Variants in ITGA6 observed in about 807,000 individuals in gnomAD.
ITGA6 encodes the protein integrin alpha-6.
Under a neutral mutation model 133.6 loss-of-function variants are expected in ITGA6, and 63 were observed. That is an observed-to-expected ratio of 0.47 (90% CI 0.38 to 0.58). The LOEUF (loss-of-function observed/expected upper bound fraction) is 0.58, where lower values mean the gene tolerates loss of function less well. Ranked by LOEUF, ITGA6 falls within the 20% of genes least tolerant of loss-of-function variation. The pLI is 0.00. For synonymous variants in ITGA6, 434 were observed against 482.0 expected (o/e 0.90, Z 1.30); for missense variants, 1,068 against 1,309.4 (o/e 0.82, Z 2.85).
At chr2:172,435,396 GCCT>G (rs1331527181) in intron 1 of ITGA6, among the ~76,000 whole-genome samples, 3 of 152,146 alleles carry the variant, frequency 2.0e-5, no homozygotes, top group Non-Finnish European at 2.9e-5. Context: ...GCGGGTGATG[GCCT>G]CTTACTGGCA....
intron 11 of ITGA6, among the ~76,000 whole-genome samples, chr2:172,480,445 G>A (rs932062946): frequency 2.6e-5 from 4 of 151,740 alleles, no homozygotes; most frequent in Admixed American, 6.6e-5. Context: ...AAAGGGCAAC[G>A]GCAGGAGCCA....
chr2:172,466,773 G>A (rs1355078975), intron 2 of ITGA6, among the ~76,000 whole-genome samples: 2 of 149,122 alleles, frequency 1.3e-5, no homozygotes, highest in African/African-American at 4.9e-5. Context: ...TTTTCCTTCT[G>A]TCTAAAGTTG....
intron 23 of ITGA6, among the ~76,000 whole-genome samples, chr2:172,493,437 TAGAC>T (rs1395861254): frequency 2.0e-5 from 3 of 152,156 alleles, no homozygotes; most frequent in Non-Finnish European, 4.4e-5. Flanking sequence ...ATTTCAGAGC[TAGAC>T]AGAGAACACT....
chr2:172,446,568 CA>C (rs1273540489), intron 1 of ITGA6, among the ~76,000 whole-genome samples: 1 of 152,200 alleles, frequency 6.6e-6, no homozygotes, highest in Non-Finnish European at 1.5e-5. Context: ...ATGGTGAGCT[CA>C]CAATCCAAGT....
intron 1 of ITGA6, among the ~76,000 whole-genome samples, chr2:172,454,109 G>A (rs1404263056): frequency 6.8e-6 from 1 of 146,138 alleles, no homozygotes; most frequent in African/African-American, 2.6e-5. Context: ...TTTTTGAGAT[G>A]GAGTCTCACT....
At chr2:172,469,899 A>G (rs1303208563) in intron 4 of ITGA6, among the ~76,000 whole-genome samples, 1 of 152,208 alleles carries the variant, frequency 6.6e-6, no homozygotes, top group Middle Eastern at 3.2e-3. Context: ...ATTTTGAGGT[A>G]TAATTTCAGA....
At chr2:172,472,210 G>C (rs1293390279) in intron 5 of ITGA6, among the ~76,000 whole-genome samples, 1 of 152,206 alleles carries the variant, frequency 6.6e-6, no homozygotes, top group African/African-American at 2.4e-5. Context: ...TGTAGTCCCA[G>C]CTACTCAGGA....
At chr2:172,445,805 C>T (rs1281277507) in intron 1 of ITGA6, among the ~76,000 whole-genome samples, 1 of 152,168 alleles carries the variant, frequency 6.6e-6, no homozygotes, top group Non-Finnish European at 1.5e-5. Context: ...CCACTGGAGC[C>T]TCAACCTCAA....
chr2:172,472,761 T>C (rs772270227), intron 5 of ITGA6: 32 of 1,529,200 alleles, frequency 2.1e-5, no homozygotes, highest in African/African-American at 4.1e-5. Flanking sequence ...TTCCGTCCCG[T>C]GCATGCGTAC....
At position 172,487,755 on chromosome 2, in the gene ITGA6, A is replaced by T. The variant is rs1490996431; in HGVS notation, c.2272A>T (p.Thr758Ser). 2 of 1,612,968 alleles carry T rather than the reference A, an allele frequency of 1.2e-6. No individual in the cohort carries two copies. The highest frequency in any genetic ancestry group is 8.5e-7 in the Non-Finnish European group (1 of 1,178,966). The change falls in exon 17 of 26, where the codon ACT becomes TCT. Residue 758 changes from threonine to serine, a missense_variant. Around this residue, in one of 3 missense-constraint regions of ITGA6, gnomAD observed 609 missense variants for 707.2 expected, o/e 0.86. Coordinates refer to ENST00000684293, the MANE Select transcript of ITGA6 (RefSeq NM_000210.4). ...NVTFYLVLSTTEVTFDTPDLD... is the reference protein window; with the variant it reads ...NVTFYLVLSTSEVTFDTPDLD... ...CACTTTTTATTTGGTTTTAAGTACA[A>T]CTGAAGTCACCTTTGACACCCCAGA...
intron 11 of ITGA6, among the ~76,000 whole-genome samples, chr2:172,484,357 C>T (rs1055451144): frequency 6.6e-6 from 1 of 151,094 alleles, no homozygotes; most frequent in Non-Finnish European, 1.5e-5. Context: ...GAGATCTTTC[C>T]CAGATAGCAA....
At chr2:172,427,419 C>A, upstream of ITGA6, 1 of 1,025,644 alleles carries the variant, frequency 9.7e-7, no homozygotes, top group Non-Finnish European at 1.2e-6. Flanking sequence ...GGGGCTCCCA[C>A]GTCGTGGCTT....
At chr2:172,495,200 C>A (rs1259447383) in intron 23 of ITGA6, among the ~76,000 whole-genome samples, 1 of 152,214 alleles carries the variant, frequency 6.6e-6, no homozygotes, top group African/African-American at 2.4e-5. Flanking sequence ...GCACTGCTCA[C>A]TGGTAATCGA....
chr2:172,455,262 C>T (rs532905790), intron 1 of ITGA6, among the ~76,000 whole-genome samples: 12 of 152,334 alleles, frequency 7.9e-5, no homozygotes, highest in East Asian at 1.9e-4. Flanking sequence ...TTGGCAGTGA[C>T]GACCTCTGGT....
At chr2:172,497,225 G>C (rs1321498518) in intron 23 of ITGA6, among the ~76,000 whole-genome samples, 1 of 152,056 alleles carries the variant, frequency 6.6e-6, no homozygotes, top group Non-Finnish European at 1.5e-5. Context: ...GAAAGTATAG[G>C]CCAGGTGAGG....
rs565088728 is a variant in ITGA6, at chr2:172,491,303, C to T, written c.2861C>T (p.Ser954Leu). The stretch of plus-strand genomic sequence containing the variant: ...AGCAAGGCGTCTCTTATTTTGCGCT[C>T]GAGGTTATGGAACAGCACATTTCTA... ...LDSKASLILR[S>L]RLWNSTFLEE... The change falls in exon 22 of 26, where the codon TCG (serine) becomes TTG (leucine). Residue 954 changes from serine (S) to leucine (L), a missense_variant. Around this residue, in one of 3 missense-constraint regions of ITGA6, gnomAD observed 609 missense variants for 707.2 expected, o/e 0.86. Transcript: ENST00000684293. The surrounding 1 kb of genome is among the most constrained non-coding windows in gnomAD (Gnocchi z 4.4). The T allele has an allele frequency of 1.4e-4, 225 of 1,611,292 alleles. 1 individual carries two copies. In the South Asian group the frequency reaches 2.3e-3, roughly 16 times the overall value.
chr2:172,451,477 A>AG (rs1044099145), intron 1 of ITGA6, among the ~76,000 whole-genome samples: 2 of 151,532 alleles, frequency 1.3e-5, no homozygotes, highest in African/African-American at 2.4e-5. Context: ...AAAAAAAAAA[A>AG]AGGGAATGCT....
At chr2:172,485,939 G>T (rs185571366) in intron 13 of ITGA6, among the ~76,000 whole-genome samples, 154 of 152,270 alleles carry the variant, frequency 1.0e-3, no homozygotes, top group African/African-American at 3.6e-3. Context: ...AACTTCGGGA[G>T]GCCGAGGCGG....
chr2:172,456,154 A>G (rs538484932), intron 1 of ITGA6, among the ~76,000 whole-genome samples: 158 of 152,230 alleles, frequency 1.0e-3, no homozygotes, highest in Non-Finnish European at 1.7e-3. Flanking sequence ...TTCCCCCTGC[A>G]GCCAGAGGAG....
Sources: allele counts gnomAD v4.1 joint callset (sites outside exome capture counted in the v4.1 genomes callset), GRCh38; gene constraint gnomAD v4.1.1; regional missense constraint gnomAD v4.1.1; non-coding constraint Gnocchi (gnomAD v3.1); transcripts MANE v1.5; gene names NCBI Gene and HGNC (gene_info 2026-07-23, HGNC 2026-07-21).